The following CCSER1 variants were observed in gnomAD, a reference collection of about 807,000 sequenced individuals.
CCSER1 encodes the protein coiled-coil serine rich protein 1, also known as serine-rich coiled-coil domain-containing protein 1.
In CCSER1, 41 loss-of-function variants were observed where a neutral mutation model predicts 82.0. The observed-to-expected ratio is 0.50, with a 90% confidence interval of 0.39 to 0.65. The LOEUF (loss-of-function observed/expected upper bound fraction) is 0.65, where lower values mean the gene tolerates loss of function less well. Among genes scored for constraint, CCSER1 ranks in the 30% least tolerant of loss-of-function variants. The probability of loss-of-function intolerance (pLI) is 0.00; values close to 1 mark genes in which losing one functional copy is unlikely to be tolerated. For synonymous variants in CCSER1, 414 were observed against 383.9 expected, an observed-to-expected ratio of 1.08 and a Z score of -0.92; for missense variants, 1,119 against 1,064.2, an observed-to-expected ratio of 1.05 and a Z score of -0.72.
At chr4:91,469,350 C>T (rs1757135482) in intron 10 of CCSER1, among the ~76,000 whole-genome samples, 1 of 152,136 alleles carries the variant, frequency 6.6e-6, no homozygotes, top group Admixed American at 6.6e-5. Flanking sequence ...AGTTCTGACT[C>T]TAAGAAAAGG....
chr4:91,251,831 A>G (rs1361018529), intron 10 of CCSER1, among the ~76,000 whole-genome samples: 1 of 152,190 alleles, frequency 6.6e-6, no homozygotes, highest in Non-Finnish European at 1.5e-5. Context: ...GTAATTAATG[A>G]GAGTTTTTAA....
chr4:90,540,020 A>G (rs1023444937), intron 5 of CCSER1, among the ~76,000 whole-genome samples: 4 of 152,078 alleles, frequency 2.6e-5, no homozygotes, highest in Non-Finnish European at 5.9e-5. Flanking sequence ...AATTTCAGAC[A>G]CTGACCATAA....
chr4:90,907,433 T>C (rs1348163949), intron 8 of CCSER1, among the ~76,000 whole-genome samples: 1 of 152,092 alleles, frequency 6.6e-6, no homozygotes, highest in Non-Finnish European at 1.5e-5. Flanking sequence ...AGAAGATATG[T>C]CTGTATTCAT....
At chr4:90,271,844 ATATATATATATATATATATTTTTTTTTTT>A (rs1461159498) in intron 1 of CCSER1, among the ~76,000 whole-genome samples, 9 of 22,418 alleles carry the variant, frequency 4.0e-4, no homozygotes, top group African/African-American at 2.9e-3. Context: ...ATATATATAT[ATATATATATATATATATATTTTTTTTTTT>A]TTTTTTTTTT....
chr4:91,286,067 G>A (rs1470353810), intron 10 of CCSER1, among the ~76,000 whole-genome samples: 1 of 150,648 alleles, frequency 6.6e-6, no homozygotes, highest in African/African-American at 2.4e-5. Flanking sequence ...TCAGTTTTAA[G>A]GACTTTGTTT....
At chr4:90,779,962 T>C (rs757923229) in intron 7 of CCSER1, among the ~76,000 whole-genome samples, 1 of 152,238 alleles carries the variant, frequency 6.6e-6, no homozygotes, top group Non-Finnish European at 1.5e-5. Context: ...CCTTTGATGA[T>C]TTAAATTATT....
intron 9 of CCSER1, among the ~76,000 whole-genome samples, chr4:91,021,950 A>C (rs1362489471): frequency 1.3e-5 from 2 of 152,142 alleles, no homozygotes; most frequent in Non-Finnish European, 2.9e-5. Context: ...CAAATGATTA[A>C]ATTTTTCTAA....
chr4:91,002,134 A>G (rs1738091969), intron 9 of CCSER1, among the ~76,000 whole-genome samples: 1 of 152,136 alleles, frequency 6.6e-6, no homozygotes, highest in Non-Finnish European at 1.5e-5. Context: ...TGTTAATCTG[A>G]TAGGTTTTCC....
chr4:90,242,919 A>G (rs1010322820), intron 1 of CCSER1, among the ~76,000 whole-genome samples: 2 of 152,160 alleles, frequency 1.3e-5, no homozygotes, highest in Non-Finnish European at 2.9e-5. Context: ...CCTTTCTACT[A>G]CATAGTGTGG....
chr4:91,069,880 G>A (rs893709142), intron 9 of CCSER1, among the ~76,000 whole-genome samples: 1 of 151,970 alleles, frequency 6.6e-6, no homozygotes. Flanking sequence ...CCCATTGAAT[G>A]CCATTTAGAA....
intron 10 of CCSER1, among the ~76,000 whole-genome samples, chr4:91,399,309 A>G (rs533954639): frequency 6.6e-6 from 1 of 152,076 alleles, no homozygotes; most frequent in African/African-American, 2.4e-5. Context: ...TACTAGATCT[A>G]TAGTTTAAAG....
intron 10 of CCSER1, among the ~76,000 whole-genome samples, chr4:91,595,790 G>T (rs1764538308): frequency 6.6e-6 from 1 of 151,784 alleles, no homozygotes; most frequent in African/African-American, 2.4e-5. Context: ...GATGTATGCA[G>T]CACCTTGTCC....
chr4:91,157,788 C>T (rs1047165381), intron 10 of CCSER1, among the ~76,000 whole-genome samples: 2 of 151,946 alleles, frequency 1.3e-5, no homozygotes, highest in African/African-American at 4.8e-5. Flanking sequence ...TTAATGTTCT[C>T]CTTTACAGGT....
intron 9 of CCSER1, among the ~76,000 whole-genome samples, chr4:91,085,473 C>T (rs1044570862): frequency 2.0e-5 from 3 of 151,980 alleles, no homozygotes; most frequent in Non-Finnish European, 4.4e-5. Flanking sequence ...TAATAGAAGA[C>T]AGAGAAAGCC....
intron 10 of CCSER1, among the ~76,000 whole-genome samples, chr4:91,381,229 G>C (rs951970900): frequency 6.6e-6 from 1 of 151,916 alleles, no homozygotes; most frequent in South Asian, 2.1e-4. Context: ...TGTGTCTTGG[G>C]GTTGCTCTTC....
At chr4:90,611,895 T>G (rs1785549260) in intron 5 of CCSER1, among the ~76,000 whole-genome samples, 1 of 151,260 alleles carries the variant, frequency 6.6e-6, no homozygotes, top group Non-Finnish European at 1.5e-5. Flanking sequence ...GGAGATATAC[T>G]TGGCCTCTTA....
intron 5 of CCSER1, among the ~76,000 whole-genome samples, chr4:90,574,435 A>G (rs1421595146): frequency 6.7e-6 from 1 of 149,162 alleles, no homozygotes; most frequent in Admixed American, 6.7e-5. Context: ...CGCCCGGCTA[A>G]TTTTTTGTAT....
intron 7 of CCSER1, among the ~76,000 whole-genome samples, chr4:90,729,758 C>T (rs1330195480): frequency 6.6e-6 from 1 of 151,980 alleles, no homozygotes. Context: ...CTCCTGTAGT[C>T]CCAGCTACTG....
intron 10 of CCSER1, among the ~76,000 whole-genome samples, chr4:91,433,128 AT>A (rs1754428139): frequency 6.6e-6 from 1 of 152,332 alleles, no homozygotes; most frequent in Admixed American, 6.5e-5. Flanking sequence ...TTTTAGTTAT[AT>A]GAATGAAAAT....
Sources: allele counts gnomAD v4.1 joint callset (sites outside exome capture counted in the v4.1 genomes callset), GRCh38; gene constraint gnomAD v4.1.1; transcripts MANE v1.5; gene names NCBI Gene and HGNC (gene_info 2026-07-23, HGNC 2026-07-21).